CDH4: variants seen among roughly 807,000 people sequenced by gnomAD.
The protein encoded by CDH4 is cadherin 4, also known as cadherin-4.
CDH4 carries 33 observed loss-of-function variants against 86.0 expected under a neutral mutation model. The ratio of observed to expected loss-of-function variants is 0.38; its 90% CI spans 0.29 to 0.51. The LOEUF (loss-of-function observed/expected upper bound fraction) is 0.51, where lower values mean the gene tolerates loss of function less well. CDH4 is among the 20% of genes least tolerant of loss of function. CDH4 has a pLI of 0.86. For missense variants in CDH4, 1,114 were observed against 1,307.4 expected (o/e 0.85, Z 2.28); for synonymous variants, 555 against 549.4 (o/e 1.01, Z -0.14).
intron 2 of CDH4, among the ~76,000 whole-genome samples, chr20:61,532,899 T>A (rs1420521493): frequency 6.6e-6 from 1 of 152,168 alleles, no homozygotes; most frequent in Admixed American, 6.5e-5. Context: ...GTAGCTGGGC[T>A]CTCTGCTCAG....
At chr20:61,312,770 C>A (rs2084454207) in intron 2 of CDH4, among the ~76,000 whole-genome samples, 1 of 152,120 alleles carries the variant, frequency 6.6e-6, no homozygotes, top group African/African-American at 2.4e-5. Flanking sequence ...TGACCCCTTC[C>A]AGAACAGAGC....
At chr20:61,693,822 A>G (rs1380427214) in intron 2 of CDH4, among the ~76,000 whole-genome samples, 1 of 149,866 alleles carries the variant, frequency 6.7e-6, no homozygotes. Context: ...TCAGAAACGA[A>G]TTGTCACTCA....
At chr20:61,805,167 G>A (rs1980058580) in intron 4 of CDH4, among the ~76,000 whole-genome samples, 1 of 152,218 alleles carries the variant, frequency 6.6e-6, no homozygotes, top group African/African-American at 2.4e-5. Flanking sequence ...GTACGGTGCT[G>A]AGAAGACTCT....
At position 61,404,777 on chromosome 20, in the gene CDH4, G is replaced by A. The variant is rs898968738; in HGVS notation, c.169+149840G>A. Among the ~76,000 whole-genome samples the A allele has an allele frequency of 4.0e-5, 6 of 151,522 alleles. No homozygotes were observed. In the East Asian group the frequency reaches 5.8e-4, roughly 15 times the overall value. Reference sequence around the variant, plus strand: ...TATTAAGAAAAAGCTCAGGCTGGGCGTGGTGGCTCACGCCTGTAATCCCAG... The same window carrying A: ...TATTAAGAAAAAGCTCAGGCTGGGCATGGTGGCTCACGCCTGTAATCCCAG... On this transcript the variant is annotated intron_variant, in intron 2 of 15. Transcript: ENST00000614565.
chr20:61,403,286 T>G (rs2085060023), intron 2 of CDH4, among the ~76,000 whole-genome samples: 2 of 152,224 alleles, frequency 1.3e-5, no homozygotes, highest in African/African-American at 4.8e-5. Context: ...TGGGCTTCAC[T>G]TACAGGAGCA....
intron 2 of CDH4, among the ~76,000 whole-genome samples, chr20:61,637,292 C>G (rs767774313): frequency 2.6e-5 from 4 of 152,176 alleles, no homozygotes; most frequent in Non-Finnish European, 5.9e-5. Context: ...TCTGTTTAAC[C>G]GTTCTTAGGC....
intron 2 of CDH4, among the ~76,000 whole-genome samples, chr20:61,546,238 T>TG (rs1191998282): frequency 6.7e-6 from 1 of 149,150 alleles, no homozygotes; most frequent in Non-Finnish European, 1.5e-5. Flanking sequence ...TGCATGTGTG[T>TG]GGGGGTATGT....
chr20:61,723,576 C>G (rs62197832), intron 2 of CDH4, among the ~76,000 whole-genome samples: 50,350 of 152,084 alleles, frequency 0.33, 9,456 homozygotes, highest in South Asian at 0.43. Context: ...CAAGCACCTG[C>G]TCTTCTCGAG....
chr20:61,526,169 C>T (rs1040706126), intron 2 of CDH4, among the ~76,000 whole-genome samples: 4 of 150,914 alleles, frequency 2.7e-5, no homozygotes, highest in African/African-American at 9.8e-5. Flanking sequence ...TGCTGGTGCC[C>T]CTCCCCCTCC....
rs184131716 is a variant in CDH4, at chr20:61,610,796, C to T, written c.170-132767C>T. The stretch of plus-strand genomic sequence containing the variant: ...TTTGCTTGTGCCTGTCCTTCAGATA[C>T]GAATCCATTTCCTGAGCCTGTGACC... On this transcript the variant is annotated intron_variant, in intron 2 of 15. Transcript: ENST00000614565. Among the ~76,000 whole-genome samples, 26 of 152,256 alleles carry T rather than the reference C, an allele frequency of 1.7e-4. No individual in the cohort carries two copies. In the East Asian group the frequency reaches 3.5e-3, roughly 20 times the overall value.
chr20:61,391,301 G>A (rs534949744), intron 2 of CDH4, among the ~76,000 whole-genome samples: 191 of 152,288 alleles, frequency 1.3e-3, no homozygotes, highest in African/African-American at 4.4e-3. Context: ...GGAAGCCGTC[G>A]GGGCTGGGCT....
chr20:61,579,027 C>T (rs1207812785), intron 2 of CDH4, among the ~76,000 whole-genome samples: 1 of 152,136 alleles, frequency 6.6e-6, no homozygotes, highest in Non-Finnish European at 1.5e-5. Context: ...GAGGGATGAG[C>T]AGCCGTGATC....
chr20:61,294,557 C>T (rs1264738725), intron 2 of CDH4, among the ~76,000 whole-genome samples: 3 of 152,260 alleles, frequency 2.0e-5, no homozygotes, highest in East Asian at 1.9e-4. Context: ...GGCCCACGGT[C>T]ACCATCTTCA....
intron 5 of CDH4, among the ~76,000 whole-genome samples, chr20:61,850,668 C>T (rs1387418330): frequency 2.0e-5 from 3 of 152,252 alleles, no homozygotes; most frequent in Non-Finnish European, 2.9e-5. Flanking sequence ...GCAGGAAATG[C>T]ACTCTGCGCC....
chr20:61,590,970 A>G (rs911226541), intron 2 of CDH4, among the ~76,000 whole-genome samples: 1 of 151,596 alleles, frequency 6.6e-6, no homozygotes, highest in Non-Finnish European at 1.5e-5. Context: ...CTGAGCCATG[A>G]ACAGCATCCA....
intron 2 of CDH4, among the ~76,000 whole-genome samples, chr20:61,716,716 C>T (rs999210600): frequency 6.6e-6 from 1 of 152,148 alleles, no homozygotes; most frequent in East Asian, 1.9e-4. Context: ...TGAGACCAGC[C>T]TGGCCAACAT....
intron 2 of CDH4, among the ~76,000 whole-genome samples, chr20:61,261,710 G>A (rs2084128457): frequency 6.6e-6 from 1 of 152,176 alleles, no homozygotes; most frequent in Non-Finnish European, 1.5e-5. Context: ...CGTGCAGACA[G>A]GATCGGACCC....
At chr20:61,513,839 C>A (rs753688695) in intron 2 of CDH4, among the ~76,000 whole-genome samples, 3 of 152,222 alleles carry the variant, frequency 2.0e-5, no homozygotes, top group Non-Finnish European at 4.4e-5. Flanking sequence ...CTGAGCCCCA[C>A]AGCATCTTCC....
At chr20:61,364,429 C>G (rs1568815090) in intron 2 of CDH4, among the ~76,000 whole-genome samples, 1 of 152,182 alleles carries the variant, frequency 6.6e-6, no homozygotes, top group Non-Finnish European at 1.5e-5. Flanking sequence ...TCAGGGCTCC[C>G]CATGGCCTTG....
Sources: gnomAD v4.1 joint callset for allele counts (sites outside exome capture counted in the v4.1 genomes callset) on GRCh38, gnomAD v4.1.1 for gene constraint, MANE v1.5 for transcripts, NCBI Gene and HGNC (gene_info 2026-07-23, HGNC 2026-07-21) for gene names.